The following GLCCI1 variants were observed in gnomAD, a reference collection of about 807,000 sequenced individuals.
GLCCI1 encodes the protein glucocorticoid-induced transcript 1 protein.
Under a neutral mutation model 52.2 loss-of-function variants are expected in GLCCI1, and 24 were observed. The observed-to-expected ratio is 0.46, with a 90% CI of 0.33 to 0.65. GLCCI1 has a LOEUF of 0.65. Ranked by LOEUF, GLCCI1 falls within the 30% of genes least tolerant of loss-of-function variation. The pLI is 0.02. For synonymous variants in GLCCI1, 310 were observed against 276.5 expected (o/e 1.12, Z -1.20); for missense variants, 704 against 701.5 (o/e 1.00, Z -0.04).
chr7:8,064,734 C>G (rs963043354), intron 5 of GLCCI1, among the ~76,000 whole-genome samples: 5 of 152,018 alleles, frequency 3.3e-5, no homozygotes, highest in Non-Finnish European at 5.9e-5. Flanking sequence ...GAGACAGAGT[C>G]TTGCTGCTCT....
chr7:8,007,304 A>G (rs531057300), intron 2 of GLCCI1, among the ~76,000 whole-genome samples: 1 of 152,334 alleles, frequency 6.6e-6, no homozygotes, highest in South Asian at 2.1e-4. Flanking sequence ...AATATGTACT[A>G]CATACATATT....
Position 8,053,019 on chromosome 7 carries a change from T to TA in GLCCI1, c.697-2413dup, listed in dbSNP as rs1782294385. On this transcript the variant is annotated intron_variant, in intron 3 of 7. Transcript: ENST00000223145. ...TTTGGTTTTGTATTATTTATTTATT[T>TA]ATTTATTTATTTATTTATTTATGCA... Among the ~76,000 whole-genome samples the TA allele has an allele frequency of 4.0e-5, 6 of 151,002 alleles. No homozygotes were observed. The South Asian group carries it at 1.2e-3, about 31-fold the overall frequency.
intron 2 of GLCCI1, among the ~76,000 whole-genome samples, chr7:8,008,586 T>G (rs1781202490): frequency 6.6e-6 from 1 of 152,180 alleles, no homozygotes; most frequent in Non-Finnish European, 1.5e-5. Flanking sequence ...TGAGCCACCA[T>G]GCCTGGCCAG....
At chr7:8,033,974 G>T (rs566814902) in intron 3 of GLCCI1, among the ~76,000 whole-genome samples, 23 of 152,012 alleles carry the variant, frequency 1.5e-4, no homozygotes, top group African/African-American at 5.1e-4. Flanking sequence ...CGAAAAATTT[G>T]GTAGAATTAT....
In GLCCI1 at chr7:7,976,496, AAAGGAAAGG is replaced by A. The variant is rs1442135421; in HGVS notation, c.457+6692_457+6700del. 6.2e-3 allele frequency among the ~76,000 whole-genome samples: 887 copies of A among 143,538 alleles called. 26 individuals are homozygous for A. The highest frequency in any genetic ancestry group is 0.023 in the African/African-American group (830 of 36,176). The allele number at this position is 143,538 out of a possible 152,430, so 94.2% of individuals were successfully genotyped here. The stretch of plus-strand genomic sequence containing the variant: ...CTCCATCTCAAAAAAAAAAAAAAAA[AAAGGAAAGG>A]AAAAAGGAAAGGAGAAAGGAAAAAG... On this transcript the variant is annotated intron_variant, in intron 1 of 7. Transcript: ENST00000223145.
intron 3 of GLCCI1, among the ~76,000 whole-genome samples, chr7:8,050,098 ATC>A (rs752825691): frequency 6.6e-6 from 1 of 152,064 alleles, no homozygotes; most frequent in Non-Finnish European, 1.5e-5. Context: ...GGTGTGTGGA[ATC>A]TCTGTCTATT....
At chr7:8,058,445 G>T (rs576874459) in intron 4 of GLCCI1, among the ~76,000 whole-genome samples, 3 of 151,970 alleles carry the variant, frequency 2.0e-5, no homozygotes, top group African/African-American at 7.2e-5. Flanking sequence ...TAATAGAAAA[G>T]AAAATTTGAA....
At chr7:8,085,319 G>T (rs1420076095) in intron 7 of GLCCI1, among the ~76,000 whole-genome samples, 2 of 152,164 alleles carry the variant, frequency 1.3e-5, no homozygotes, top group East Asian at 3.8e-4. Context: ...GTAACAAAGA[G>T]ACTTTAGGAG....
At chr7:8,015,609 T>G (rs1371307172) in intron 2 of GLCCI1, among the ~76,000 whole-genome samples, 1 of 152,228 alleles carries the variant, frequency 6.6e-6, no homozygotes, top group African/African-American at 2.4e-5. Flanking sequence ...ATCCTAGAGT[T>G]GAATAGTTCA....
chr7:7,978,549 G>A (rs7804306), intron 1 of GLCCI1, among the ~76,000 whole-genome samples: 16,035 of 151,846 alleles, frequency 0.11, 1,416 homozygotes, highest in African/African-American at 0.24. Flanking sequence ...AATGTCATTT[G>A]TGCTTACTAT....
intron 6 of GLCCI1, among the ~76,000 whole-genome samples, chr7:8,072,424 T>C (rs1443055302): frequency 1.1e-4 from 17 of 152,178 alleles, no homozygotes; most frequent in East Asian, 1.9e-4. Flanking sequence ...TAAGGATATA[T>C]TGAATATAGT....
At chr7:8,026,591 G>A (rs764589424) in intron 3 of GLCCI1, among the ~76,000 whole-genome samples, 3 of 152,366 alleles carry the variant, frequency 2.0e-5, no homozygotes, top group Admixed American at 6.5e-5. Flanking sequence ...GCAGTTGTGC[G>A]GAGCACAGAA....
intron 1 of GLCCI1, among the ~76,000 whole-genome samples, chr7:7,971,345 T>G (rs1234684605): frequency 6.6e-6 from 1 of 152,238 alleles, no homozygotes; most frequent in East Asian, 1.9e-4. Flanking sequence ...TCTAACAGAT[T>G]AATGCCATAT....
At position 7,969,484 on chromosome 7, in the gene GLCCI1, G is replaced by A; in HGVS notation, c.134G>A (p.Gly45Asp). 9.7e-7 allele frequency: 1 copy of A among 1,028,222 alleles called. No individual in the cohort carries two copies. The highest frequency in any genetic ancestry group is 1.2e-6 in the Non-Finnish European group (1 of 860,446). 63.7% of individuals were successfully genotyped at this position (1,028,222 alleles called of 1,614,324 possible). ...AAAGSGNGAG[G>D]GGGVGCAPAA... is the part of the protein sequence containing the mutation. ...GCCGGGAGCGGGAACGGTGCGGGCG[G>A]CGGCGGCGGCGTGGGCTGCGCCCCG... is the stretch of plus-strand genomic sequence containing the variant. The change falls in exon 1 of 8, where the codon GGC (glycine) becomes GAC (aspartate). Residue 45 changes from glycine (G) to aspartate (D), a missense_variant. Physicochemically the swap from Gly to Asp is moderately conservative, Grantham distance 94 (BLOSUM62 -1). Around this residue, in one of 3 missense-constraint regions of GLCCI1, gnomAD observed 547 missense variants for 524.8 expected, o/e 1.04. Transcript: ENST00000223145. This position sits in a 1 kb window ranked among gnomAD's most constrained non-coding sequence, Gnocchi z 4.9.
chr7:7,984,399 A>AT (rs1192882122), intron 1 of GLCCI1, among the ~76,000 whole-genome samples: 1 of 152,142 alleles, frequency 6.6e-6, no homozygotes, highest in Non-Finnish European at 1.5e-5. Flanking sequence ...CATGCCCAAA[A>AT]TTTGGTGGGC....
intron 3 of GLCCI1, among the ~76,000 whole-genome samples, chr7:8,025,678 C>T (rs186699505): frequency 2.0e-5 from 3 of 152,194 alleles, no homozygotes; most frequent in Admixed American, 2.0e-4. Flanking sequence ...TAACTAACCA[C>T]AACTAGGAAA....
intron 5 of GLCCI1, among the ~76,000 whole-genome samples, chr7:8,061,709 T>G (rs567932087): frequency 7.7e-6 from 1 of 129,386 alleles, no homozygotes; most frequent in South Asian, 2.7e-4. Flanking sequence ...TTCTGTTGCC[T>G]AGGCTGGAGT....
rs150293134 is a variant in GLCCI1 at position 7,988,977 on chromosome 7, C to G, written c.458-14931C>G. Among the ~76,000 whole-genome samples the G allele has an allele frequency of 2.9e-3, 438 of 152,188 alleles. 3 individuals are homozygous for G. Among genetic ancestry groups the G allele is most frequent in the African/African-American group, 0.01 (416 of 41,526 alleles). On this transcript the variant is annotated intron_variant, in intron 1 of 7. Coordinates refer to ENST00000223145, the MANE Select transcript of GLCCI1 (RefSeq NM_138426.4). ...TCTTATGTGGTCCTCCTCATTCTTT[C>G]TTTTCCCTCATCTGCCAACTGGATG... is the stretch of plus-strand genomic sequence containing the variant.
At chr7:8,072,234 G>T (rs1208533799) in intron 6 of GLCCI1, among the ~76,000 whole-genome samples, 2 of 152,086 alleles carry the variant, frequency 1.3e-5, no homozygotes, top group Non-Finnish European at 2.9e-5. Flanking sequence ...GAATAATGTG[G>T]TATATATTCT....
Sources: allele counts gnomAD v4.1 joint callset (sites outside exome capture counted in the v4.1 genomes callset), GRCh38; gene constraint gnomAD v4.1.1; regional missense constraint gnomAD v4.1.1; non-coding constraint Gnocchi (gnomAD v3.1); transcripts MANE v1.5; gene names NCBI Gene and HGNC (gene_info 2026-07-23, HGNC 2026-07-21).